The following NRG1 variants were observed in gnomAD, a reference collection of about 807,000 sequenced individuals.
NRG1 encodes neuregulin 1.
A neutral mutation model predicts 63.8 loss-of-function variants in NRG1; 18 were observed. The observed-to-expected ratio is 0.28, with a 90% CI of 0.19 to 0.42. The LOEUF is 0.42. Among genes scored for constraint, NRG1 ranks in the 10% least tolerant of loss-of-function variants. The pLI is 1.00. For synonymous variants in NRG1, 302 were observed against 301.3 expected (o/e 1.00, Z -0.02); for missense variants, 762 against 814.7 (o/e 0.94, Z 0.79).
At chr8:32,286,479 A>C (rs548281648) in intron 1 of NRG1, among the ~76,000 whole-genome samples, 1 of 152,264 alleles carries the variant, frequency 6.6e-6, no homozygotes, top group Admixed American at 6.5e-5. Flanking sequence ...CTCATGATGA[A>C]ACTTGATCCC....
intron 1 of NRG1, among the ~76,000 whole-genome samples, chr8:32,228,609 A>G (rs957682386): frequency 2.0e-5 from 3 of 152,174 alleles, no homozygotes; most frequent in African/African-American, 7.2e-5. Flanking sequence ...ACACTATAGG[A>G]TGTCAGTTCA....
chr8:32,636,611 A>G (rs1563820061), intron 5 of NRG1, among the ~76,000 whole-genome samples: 1 of 152,166 alleles, frequency 6.6e-6, no homozygotes, highest in Non-Finnish European at 1.5e-5. Context: ...TGTGAACTTT[A>G]CATTTTCTCA....
At chr8:32,735,815 G>C (rs1178358347) in intron 6 of NRG1, among the ~76,000 whole-genome samples, 1 of 152,206 alleles carries the variant, frequency 6.6e-6, no homozygotes, top group Non-Finnish European at 1.5e-5. Flanking sequence ...CAAACAAGAA[G>C]TTAATTCACA....
rs1586821754 is a variant in NRG1, at chr8:31,853,728, G to A, written c.37+214297G>A. 3.3e-5 allele frequency among the ~76,000 whole-genome samples: 5 copies of A among 151,356 alleles called. No homozygotes were observed. In the South Asian group the frequency reaches 1.0e-3, roughly 32 times the overall value. On this transcript the variant is annotated intron_variant, in intron 1 of 10. Transcript: ENST00000519301. ...AATGCTTCCAGTTTTTGCCCATTCA[G>A]TATGATATTGGCTGTGGGTTTGTCA...
intron 1 of NRG1, among the ~76,000 whole-genome samples, chr8:31,909,364 C>G (rs1010212601): frequency 6.6e-6 from 1 of 152,054 alleles, no homozygotes; most frequent in African/African-American, 2.4e-5. Flanking sequence ...CATTCAGTGA[C>G]TGCTGGCTGG....
intron 1 of NRG1, among the ~76,000 whole-genome samples, chr8:31,782,596 AT>A (rs1264573326): frequency 1.3e-5 from 2 of 152,174 alleles, no homozygotes; most frequent in African/African-American, 4.8e-5. Context: ...ATTTGTATTC[AT>A]TCGTACACAT....
intron 1 of NRG1, among the ~76,000 whole-genome samples, chr8:31,866,983 T>C (rs999516682): frequency 3.3e-5 from 5 of 152,182 alleles, no homozygotes; most frequent in African/African-American, 1.2e-4. Flanking sequence ...AAAATAGATA[T>C]AACAATTTTA....
At chr8:32,105,932 T>C (rs1831200288) in intron 1 of NRG1, among the ~76,000 whole-genome samples, 1 of 152,078 alleles carries the variant, frequency 6.6e-6, no homozygotes, top group Admixed American at 6.6e-5. Context: ...AGGGTTTCTT[T>C]TGAGCAGTGG....
chr8:32,030,651 G>A (rs192377269), intron 1 of NRG1, among the ~76,000 whole-genome samples: 132 of 152,188 alleles, frequency 8.7e-4, no homozygotes, highest in African/African-American at 2.7e-3. Flanking sequence ...ATCATATGCA[G>A]AATTATTCTT....
At chr8:32,733,994 A>G (rs1310169813) in intron 6 of NRG1, among the ~76,000 whole-genome samples, 2 of 152,230 alleles carry the variant, frequency 1.3e-5, no homozygotes, top group Non-Finnish European at 2.9e-5. Flanking sequence ...GAACTAAGTT[A>G]AACAGTGGAG....
At chr8:32,368,287 G>A (rs1267225733) in intron 1 of NRG1, among the ~76,000 whole-genome samples, 2 of 152,144 alleles carry the variant, frequency 1.3e-5, no homozygotes, top group East Asian at 3.9e-4. Context: ...TACTTCTAGG[G>A]TCTGGGTGTG....
exon 12 of NRG1, chr8:32,764,084 A>G: frequency 6.2e-7 from 1 of 1,614,104 alleles, no homozygotes; most frequent in Non-Finnish European, 8.5e-7. Context: ...AGCCAGCCCA[A>G]GAGCCTGTTA....
intron 1 of NRG1, among the ~76,000 whole-genome samples, chr8:32,113,376 C>T (rs756508731): frequency 5.9e-5 from 9 of 152,144 alleles, no homozygotes; most frequent in Non-Finnish European, 1.2e-4. Flanking sequence ...ATACCTAGGA[C>T]AGCCCACCTT....
At chr8:32,659,835 G>A (rs932604608) in intron 5 of NRG1, among the ~76,000 whole-genome samples, 2 of 151,924 alleles carry the variant, frequency 1.3e-5, no homozygotes, top group East Asian at 1.9e-4. Context: ...TACTATAAAT[G>A]TGCTCTTCAA....
Position 31,640,464 on chromosome 8 carries a change from T to C in NRG1, c.37+1033T>C, listed in dbSNP as rs896324671. ...GCGAGCCCGGGGAGGAGGCGCCCTATCTGGTGAAGGTGCACCAGGTGTGGG... is the reference window on the plus strand; with the variant it reads ...GCGAGCCCGGGGAGGAGGCGCCCTACCTGGTGAAGGTGCACCAGGTGTGGG... On this transcript the variant is annotated intron_variant, in intron 1 of 10. Coordinates refer to the NRG1 transcript ENST00000519301. The surrounding 1 kb of genome is among the most constrained non-coding windows in gnomAD (Gnocchi z 6.3). The C allele has an allele frequency of 6.3e-7, 1 of 1,583,148 alleles. No individual in the cohort carries two copies. Among genetic ancestry groups the C allele is most frequent in the African/African-American group, 1.4e-5 (1 of 72,404 alleles).
chr8:32,582,853 A>G lies in NRG1; in HGVS notation c.101-12975A>G, dbSNP rs1436492267. 3.3e-5 allele frequency among the ~76,000 whole-genome samples: 5 copies of G among 152,232 alleles called. No homozygotes were observed. In the East Asian group the frequency reaches 9.6e-4, roughly 29 times the overall value. On this transcript the variant is annotated intron_variant, in intron 1 of 11. Transcript: ENST00000356819. The stretch of plus-strand genomic sequence containing the variant: ...TTTCATGCTTCAAGGTTTTCTGAGA[A>G]CTGCAGTATTCTGCAAATTCTCAAA...
At chr8:31,951,336 C>T (rs905885469) in intron 1 of NRG1, among the ~76,000 whole-genome samples, 6 of 152,102 alleles carry the variant, frequency 3.9e-5, no homozygotes, top group Admixed American at 1.3e-4. Flanking sequence ...GGTTCAGCTG[C>T]ATGATATGTT....
chr8:32,040,579 TTG>T (rs34347522), intron 1 of NRG1, among the ~76,000 whole-genome samples: 36,551 of 147,664 alleles, frequency 0.25, 5,019 homozygotes, highest in East Asian at 0.65. Flanking sequence ...GTTTGTCTGG[TTG>T]TGTGTGTGTG....
intron 1 of NRG1, among the ~76,000 whole-genome samples, chr8:32,508,149 T>TA (rs1327756758): frequency 1.3e-5 from 2 of 152,252 alleles, no homozygotes; most frequent in African/African-American, 4.8e-5. Flanking sequence ...CACATGCCTA[T>TA]AGTCCTAACT....
Sources: allele counts gnomAD v4.1 joint callset (sites outside exome capture counted in the v4.1 genomes callset), GRCh38; gene constraint gnomAD v4.1.1; non-coding constraint Gnocchi (gnomAD v3.1); transcripts MANE v1.5; gene names NCBI Gene and HGNC (gene_info 2026-07-23, HGNC 2026-07-21).